The following CADPS2 variants were observed in gnomAD, a reference collection of about 807,000 sequenced individuals.
CADPS2 encodes calcium-dependent secretion activator 2.
Under a neutral mutation model 172.5 loss-of-function variants are expected in CADPS2, and 93 were observed. The observed-to-expected ratio is 0.54, with a 90% CI of 0.46 to 0.64. CADPS2 has a LOEUF of 0.64. CADPS2 is among the 30% of genes least tolerant of loss of function. The probability of loss-of-function intolerance (pLI) is 0.00; values close to 1 mark genes in which losing one functional copy is unlikely to be tolerated. For synonymous variants in CADPS2, 546 were observed against 555.2 expected, an observed-to-expected ratio of 0.98 and a Z score of 0.23; for missense variants, 1,420 against 1,565.9, an observed-to-expected ratio of 0.91 and a Z score of 1.57.
intron 3 of CADPS2, among the ~76,000 whole-genome samples, chr7:122,645,649 TATCTCTAAG>T (rs2078437724): frequency 2.8e-5 from 2 of 70,836 alleles, no homozygotes; most frequent in African/African-American, 4.8e-5. Context: ...AAGATACATA[TATCTCTAAG>T]ATATATATAT....
chr7:122,810,392 G>A (rs1449253798), intron 1 of CADPS2, among the ~76,000 whole-genome samples: 2 of 152,056 alleles, frequency 1.3e-5, no homozygotes. Context: ...TGTCTTCCAG[G>A]TCATATGTAT....
At chr7:122,700,338 G>T (rs1482506811) in intron 2 of CADPS2, among the ~76,000 whole-genome samples, 1 of 152,086 alleles carries the variant, frequency 6.6e-6, no homozygotes, top group Non-Finnish European at 1.5e-5. Flanking sequence ...AAAGATGAAG[G>T]AACAAAGGGC....
intron 2 of CADPS2, chr7:122,702,465 T>C (rs369956136): frequency 1.2e-6 from 2 of 1,613,806 alleles, no homozygotes; most frequent in Non-Finnish European, 1.7e-6. Flanking sequence ...TCTGCCTGTT[T>C]GGGCCTGCTG....
chr7:122,698,734 A>G (rs751500392), intron 2 of CADPS2: 1 of 1,613,620 alleles, frequency 6.2e-7, no homozygotes, highest in South Asian at 1.1e-5. Context: ...GCTTCTTCCA[A>G]AGACTCCAGT....
intron 4 of CADPS2, among the ~76,000 whole-genome samples, chr7:122,628,169 T>G (rs2076255748): frequency 6.6e-6 from 1 of 152,148 alleles, no homozygotes; most frequent in South Asian, 2.1e-4. Context: ...TTTTATTATT[T>G]ATTTCTAATT....
At chr7:122,453,161 A>G (rs550384031) in intron 14 of CADPS2, among the ~76,000 whole-genome samples, 1 of 152,298 alleles carries the variant, frequency 6.6e-6, no homozygotes, top group East Asian at 1.9e-4. Context: ...GCAAAATAAT[A>G]TATCGACCAC....
At chr7:122,463,017 A>T (rs931545086) in intron 14 of CADPS2, among the ~76,000 whole-genome samples, 1 of 152,226 alleles carries the variant, frequency 6.6e-6, no homozygotes, top group Admixed American at 6.5e-5. Context: ...ATAGAGAGCA[A>T]AAACCACCAT....
intron 2 of CADPS2, among the ~76,000 whole-genome samples, chr7:122,693,099 C>T (rs1283036914): frequency 6.6e-6 from 1 of 152,194 alleles, no homozygotes; most frequent in Non-Finnish European, 1.5e-5. Flanking sequence ...TGTCCTTGAC[C>T]AAAGCACAGC....
intron 2 of CADPS2, among the ~76,000 whole-genome samples, chr7:122,725,136 G>A (rs1210441628): frequency 6.6e-6 from 1 of 151,940 alleles, no homozygotes; most frequent in Non-Finnish European, 1.5e-5. Context: ...TTCTTTTGGT[G>A]ATAATGACAC....
intron 2 of CADPS2, among the ~76,000 whole-genome samples, chr7:122,736,208 C>T (rs772299577): frequency 6.6e-6 from 1 of 152,038 alleles, no homozygotes; most frequent in Non-Finnish European, 1.5e-5. Context: ...ATATTCTTGC[C>T]TCAGGTAAGT....
intron 1 of CADPS2, among the ~76,000 whole-genome samples, chr7:122,766,934 C>T (rs1280249722): frequency 1.3e-5 from 2 of 152,070 alleles, no homozygotes; most frequent in Non-Finnish European, 2.9e-5. Context: ...ACAATAGTAT[C>T]TATTTGACAG....
intron 24 of CADPS2, chr7:122,386,272 T>A: frequency 7.1e-7 from 1 of 1,407,810 alleles, no homozygotes; most frequent in Non-Finnish European, 9.4e-7. Context: ...AAATGTGCTT[T>A]TAGAAAAAAA....
chr7:122,714,287 A>G (rs897360133), intron 2 of CADPS2, among the ~76,000 whole-genome samples: 4 of 152,096 alleles, frequency 2.6e-5, no homozygotes, highest in African/African-American at 9.7e-5. Flanking sequence ...CTGAAAATAC[A>G]TGTAAGTAGC....
At chr7:122,699,829 G>T (rs780177670) in intron 2 of CADPS2, among the ~76,000 whole-genome samples, 1 of 152,078 alleles carries the variant, frequency 6.6e-6, no homozygotes, top group Non-Finnish European at 1.5e-5. Flanking sequence ...GGTGTCAAGG[G>T]AAAGATTAAA....
chr7:122,517,482 T>G (rs2060466898), intron 8 of CADPS2, among the ~76,000 whole-genome samples: 1 of 152,064 alleles, frequency 6.6e-6, no homozygotes, highest in African/African-American at 2.4e-5. Flanking sequence ...TGCCAAATTG[T>G]TTTCCAAACT....
Position 122,441,531 on chromosome 7 carries a change from G to A in CADPS2, c.2333C>T (p.Thr778Ile), listed in dbSNP as rs1205128323. The A allele has an allele frequency of 1.3e-6, 2 of 1,534,270 alleles. No individual in the cohort carries two copies. Among genetic ancestry groups the A allele is most frequent in the South Asian group, 2.5e-5 (2 of 80,958 alleles). ...ACATACCCTTTCAAGTAATGAAAGT[G>A]TAGCTTTTAGAGCACCTTCAGGTCG... ...FGRPEGALKA[T>I]LSLLERVLMK... The change falls in exon 16 of 30, where the codon ACA (threonine) becomes ATA (isoleucine). Residue 778 changes from threonine to isoleucine, a missense_variant. Physicochemically the swap from Thr to Ile is moderately conservative, Grantham distance 89. Transcript: ENST00000449022.
intron 1 of CADPS2, chr7:122,849,995 C>A: frequency 4.0e-6 from 3 of 756,382 alleles, no homozygotes; most frequent in South Asian, 2.1e-5. Context: ...TGCCCCCAAG[C>A]CTGCCTAGGC....
At chr7:122,645,681 A>ATATATATATATATCTCTC (rs796988558) in intron 3 of CADPS2, among the ~76,000 whole-genome samples, 1 of 116,824 alleles carries the variant, frequency 8.6e-6, no homozygotes, top group South Asian at 3.2e-4. Context: ...ATATATATAT[A>ATATATATATATATCTCTC]TCTTGGGATT....
intron 1 of CADPS2, among the ~76,000 whole-genome samples, chr7:122,756,894 C>G (rs2093184751): frequency 6.6e-6 from 1 of 151,342 alleles, no homozygotes; most frequent in South Asian, 2.1e-4. Context: ...AGCAAGACTC[C>G]CTCTCAAGGA....
Sources: allele counts gnomAD v4.1 joint callset (sites outside exome capture counted in the v4.1 genomes callset), GRCh38; gene constraint gnomAD v4.1.1; transcripts MANE v1.5; gene names NCBI Gene and HGNC (gene_info 2026-07-23, HGNC 2026-07-21).